STK11IP: variants seen among roughly 807,000 people sequenced by gnomAD.
STK11IP encodes serine/threonine kinase 11 interacting protein.
In STK11IP, 103 loss-of-function variants were observed where a neutral mutation model predicts 131.7. The observed-to-expected ratio is 0.78, with a 90% CI of 0.67 to 0.92. STK11IP has a LOEUF of 0.92. STK11IP is among the 40% of genes least tolerant of loss of function. The pLI is 0.00. For missense variants in STK11IP, 1,315 were observed against 1,385.7 expected, an observed-to-expected ratio of 0.95 and a Z score of 0.81; for synonymous variants, 557 against 575.6, an observed-to-expected ratio of 0.97 and a Z score of 0.46.
At chr2:219,610,652 G>C (rs1356823954) in intron 17 of STK11IP, among the ~76,000 whole-genome samples, 1 of 152,154 alleles carries the variant, frequency 6.6e-6, no homozygotes, top group Non-Finnish European at 1.5e-5. Flanking sequence ...GCCCACCTTG[G>C]CCTCCCAAAG....
chr2:219,611,915 G>C, intron 18 of STK11IP, 40 bp from the exon 19 acceptor site: 2 of 1,572,294 alleles, frequency 1.3e-6, no homozygotes, highest in Non-Finnish European at 1.7e-6. Context: ...GGAGCCCAGG[G>C]GCTGCCATGG....
intron 24 of STK11IP, 120 bp from the exon 25 acceptor site, chr2:219,615,923 TG>T: frequency 7.8e-7 from 1 of 1,284,770 alleles, no homozygotes; most frequent in African/African-American, 1.5e-5. Flanking sequence ...GACATGGGCC[TG>T]GGGAAGGGGA....
Position 219,607,097 on chromosome 2 carries a change from T to C in STK11IP, c.1179T>C (p.Asp393=), listed in dbSNP as rs1392363206. The change falls in exon 13 of 25, where the codon GAT becomes GAC. Residue 393 remains aspartate (D), a synonymous_variant. Coordinates refer to ENST00000456909, the MANE Select transcript of STK11IP (RefSeq NM_052902.4). The part of the protein sequence containing the change: ...VRRASISEPS[D]TDPEPRTLNP... ...GGGCAAGCATCTCTGAACCCAGTGA[T>C]ACGGACCCGGAGCCCCGAACTCTGA... 6.2e-7 allele frequency: 1 copy of C among 1,613,948 alleles called. No homozygotes were observed. The highest frequency in any genetic ancestry group is 1.7e-5 in the Admixed American group (1 of 60,024).
At position 219,611,582 on chromosome 2, in the gene STK11IP, ACCGTGTCCAT is replaced by A. The variant is rs1258848076; in HGVS notation, c.2105-19_2105-10del. Reference sequence around the variant, plus strand: ...GGCACTGTGGGGGGGGCTCATGGGGACCGTGTCCATCCTCCCTCCAGAATCTCCTGCTGTG... The same window carrying A: ...GGCACTGTGGGGGGGGCTCATGGGGACCTCCCTCCAGAATCTCCTGCTGTG... On this transcript the variant is annotated splice_polypyrimidine_tract_variant and intron_variant, in intron 17 of 24. Transcript: ENST00000456909. 6.9e-6 allele frequency: 11 copies of A among 1,589,376 alleles called. No homozygotes were observed. Among genetic ancestry groups the A allele is most frequent in the Non-Finnish European group, 9.5e-6 (11 of 1,159,224 alleles).
rs780116372 is a variant in STK11IP, at chr2:219,598,158, C to A, written c.39C>A (p.Leu13=). 6.4e-7 allele frequency: 1 copy of A among 1,573,500 alleles called. No individual in the cohort carries two copies. The highest frequency in any genetic ancestry group is 1.2e-5 in the South Asian group (1 of 85,898). Reference sequence around the variant, plus strand: ...AGAGGGACTCCCTGTTGTGGAAGCTCGCGGGGTTGCTGCGGGAGTCCGGTG... The same window carrying A: ...AGAGGGACTCCCTGTTGTGGAAGCTAGCGGGGTTGCTGCGGGAGTCCGGTG... The part of the protein sequence containing the change: ...TAQRDSLLWK[L]AGLLRESGDV... The change falls in exon 2 of 25, where the codon CTC becomes CTA. Residue 13 remains leucine (L), a synonymous_variant. Transcript: ENST00000456909.
chr2:219,614,062 A>G, intron 21 of STK11IP, 99 bp from the exon 22 acceptor site: 1 of 1,542,390 alleles, frequency 6.5e-7, no homozygotes, highest in South Asian at 1.2e-5. Context: ...AAGTTTCTGA[A>G]ATCCAGAAAT....
chr2:219,602,244 G>A (rs961583749), intron 5 of STK11IP, among the ~76,000 whole-genome samples, 161 bp downstream of exon 5: 6 of 152,212 alleles, frequency 3.9e-5, no homozygotes, highest in African/African-American at 1.4e-4. Context: ...GTAACTGCCT[G>A]TATATTTATA....
In STK11IP at chr2:219,611,659, G is replaced by T; in HGVS notation, c.2160G>T (p.Val720=). The change falls in exon 18 of 25, where the codon GTG becomes GTT. Residue 720 remains valine (V), a synonymous_variant. Transcript: ENST00000456909. The stretch of plus-strand genomic sequence containing the variant: ...GTGACCACGTGGTTCTCCTCGCTGT[G>T]TCTCGGGGAACCCCCAACAGGGAGC... ...CGSDHVVLLA[V]SRGTPNRERK... is the part of the protein sequence containing the mutation. 6.2e-7 allele frequency: 1 copy of T among 1,613,210 alleles called. No homozygotes were observed. The highest frequency in any genetic ancestry group is 8.5e-7 in the Non-Finnish European group (1 of 1,179,878).
chr2:219,598,331 G>C (rs1457606417), intron 2 of STK11IP, 151 bp downstream of exon 2: 1 of 596,758 alleles, frequency 1.7e-6, no homozygotes, highest in Admixed American at 3.9e-5. Flanking sequence ...AGGTTTGTTC[G>C]CCCTTACAGT....
intron 21 of STK11IP, 51 bp from the exon 22 acceptor site, chr2:219,614,110 G>C: frequency 6.2e-7 from 1 of 1,603,106 alleles, no homozygotes; most frequent in East Asian, 2.2e-5. Flanking sequence ...GGTGAGTTTA[G>C]GCTGGAGGAG....
At chr2:219,606,671 C>CA in intron 11 of STK11IP, 41 bp from the exon 12 acceptor site, 1 of 1,595,316 alleles carries the variant, frequency 6.3e-7, no homozygotes, top group Non-Finnish European at 8.6e-7. Flanking sequence ...GAGGTGCTCC[C>CA]AGGCTCCAAC....
rs529695335 is a variant in STK11IP, at chr2:219,611,888, G to A, written c.2335+54G>A. On this transcript the variant is annotated intron_variant, in intron 18 of 24. Coordinates refer to ENST00000456909, the MANE Select transcript of STK11IP (RefSeq NM_052902.4). ...GAGTTTGGGGAAGGGAAGGGGCACT[G>A]ATGGGGAGGTGGAGATGGAGCCCAG... 319 of 1,578,260 alleles carry A rather than the reference G, an allele frequency of 2.0e-4. 2 individuals are homozygous for A. In the Middle Eastern group the frequency reaches 4.3e-3, roughly 21 times the overall value.
rs775799585 is a variant in STK11IP, at chr2:219,606,458, C to G, written c.946-18C>G. ...TGGGCCTACCACATACTCCCTCCCC[C>G]TTTTTGTCTTTGCTCAGTTCCTTCT... On this transcript the variant is annotated intron_variant, in intron 10 of 24. Coordinates refer to ENST00000456909, the MANE Select transcript of STK11IP (RefSeq NM_052902.4). The G allele has an allele frequency of 4.4e-6, 7 of 1,609,094 alleles. No homozygotes were observed. The highest frequency in any genetic ancestry group is 2.7e-5 in the African/African-American group (2 of 74,872).
intron 19 of STK11IP, 111 bp downstream of exon 19, chr2:219,612,169 G>A (rs2106164444): frequency 1.0e-6 from 1 of 961,070 alleles, no homozygotes; most frequent in Non-Finnish European, 1.6e-6. Context: ...TCTGGCTTCT[G>A]GTTTCAACCC....
Position 219,611,965 on chromosome 2 carries a change from CTG to C in STK11IP, c.2349_2350del (p.Cys783TrpfsTer16), listed in dbSNP as rs1027197666. 1.4e-5 allele frequency: 23 copies of C among 1,596,554 alleles called. No individual in the cohort carries two copies. Among genetic ancestry groups the C allele is most frequent in the Non-Finnish European group, 1.9e-5 (22 of 1,172,554 alleles). ...SWSLSPPPER[C>X]GLRSVDHRLR... ...CCTCATTGCCCTCAGCCCCTGAGCG[CTG>C]TGGCCTCCGCTCTGTGGACCACCGA... On this transcript the variant is annotated frameshift_variant, in exon 19 of 25. Coordinates refer to ENST00000456909, the MANE Select transcript of STK11IP (RefSeq NM_052902.4). LOFTEE classifies it high-confidence loss of function.
rs2305053 is a variant in STK11IP at position 219,611,804 on chromosome 2, C to T, written c.2305C>T (p.Arg769Cys). ...KNSPPQAPST[R>C]DHGSWSLSPP... ...CAGCCCACCTCAGGCACCGAGCACC[C>T]GTGACCATGGTAGTTGGAGCCTCAG... is the stretch of plus-strand genomic sequence containing the variant. Residue 769 changes from arginine (R) to cysteine (C), a missense_variant, in exon 18 of 25, where the codon CGT becomes TGT. Coordinates refer to ENST00000456909, the MANE Select transcript of STK11IP (RefSeq NM_052902.4). 244 of 1,612,810 alleles carry T rather than the reference C, an allele frequency of 1.5e-4. No individual in the cohort carries two copies. In the East Asian group the frequency reaches 4.7e-3, roughly 31 times the overall value.
At chr2:219,610,966 A>G (rs964530609) in intron 17 of STK11IP, among the ~76,000 whole-genome samples, 7 of 152,230 alleles carry the variant, frequency 4.6e-5, no homozygotes, top group Non-Finnish European at 8.8e-5. Context: ...AAATGCGATC[A>G]TAGTGGCATA....
chr2:219,602,703 A>G lies in STK11IP; in HGVS notation c.547-2A>G, dbSNP rs923591571. On this transcript the variant is annotated splice_acceptor_variant, in intron 6 of 24. Transcript: ENST00000456909. LOFTEE classifies it high-confidence loss of function. ...TCTCTGCCTCCTCCCCGTCTCTCTC[A>G]GCGCCTCTTGTCAGCTCTGCGTTTC... is the stretch of plus-strand genomic sequence containing the variant. 1 of 1,613,478 alleles carries G rather than the reference A, an allele frequency of 6.2e-7. No individual in the cohort carries two copies. Among genetic ancestry groups the G allele is most frequent in the Non-Finnish European group, 8.5e-7 (1 of 1,179,676 alleles).
intron 20 of STK11IP, 118 bp from the exon 21 acceptor site, chr2:219,613,634 T>C: frequency 9.5e-7 from 1 of 1,054,608 alleles, no homozygotes; most frequent in Non-Finnish European, 1.4e-6. Context: ...GAAGATGGGG[T>C]GTGGTGAGCG....
Sources: gnomAD v4.1 joint callset for allele counts (sites outside exome capture counted in the v4.1 genomes callset) on GRCh38, gnomAD v4.1.1 for gene constraint, MANE v1.5 for transcripts, NCBI Gene and HGNC (gene_info 2026-07-23, HGNC 2026-07-21) for gene names.